Variants in JMJD1C observed in about 807,000 individuals in gnomAD.
JMJD1C encodes the protein jumonji domain-containing protein 1C.
JMJD1C carries 31 observed loss-of-function variants against 245.3 expected under a neutral mutation model. That is an observed-to-expected ratio of 0.13 (90% CI 0.09 to 0.17). JMJD1C has a LOEUF of 0.17. Among genes scored for constraint, JMJD1C ranks in the 10% least tolerant of loss-of-function variants. The pLI, the probability that JMJD1C is intolerant of heterozygous loss-of-function variation, is 1.00. For synonymous variants in JMJD1C, 1,057 were observed against 1,017.4 expected (o/e 1.04, Z -0.74); for missense variants, 2,691 against 3,000.2 (o/e 0.90, Z 2.41).
At chr10:63,521,563 C>A in intron 1 of JMJD1C, 1 of 1,425,312 alleles carries the variant, frequency 7.0e-7, no homozygotes, top group Non-Finnish European at 9.3e-7. Context: ...CCTGGATGAT[C>A]TCCAGAGCCG....
chr10:63,490,605 G>A (rs1009317741), intron 1 of JMJD1C, among the ~76,000 whole-genome samples: 17 of 151,840 alleles, frequency 1.1e-4, no homozygotes, highest in Non-Finnish European at 2.2e-4. Context: ...TAATAGAGAC[G>A]GGGTTTCACC....
At position 63,387,629 on chromosome 10, in the gene JMJD1C, A is replaced by ATTTTTTT. The variant is rs71025169; in HGVS notation, c.169-7154_169-7148dup. The stretch of plus-strand genomic sequence containing the variant: ...AGTCAGAAGAAAAAAGAAAAAAAAA[A>ATTTTTTT]TTTTTTTTTTTTTTTTTTTTTTTTG... On this transcript the variant is annotated intron_variant, in intron 1 of 25. Coordinates refer to ENST00000399262, the MANE Select transcript of JMJD1C (RefSeq NM_032776.3). Among the ~76,000 whole-genome samples the ATTTTTTT allele has an allele frequency of 6.9e-3, 261 of 37,878 alleles. 23 individuals are homozygous for ATTTTTTT. The highest frequency in any genetic ancestry group is 0.019 in the East Asian group (19 of 1,020). 24.8% of individuals were successfully genotyped at this position (37,878 alleles called of 152,430 possible). A position where few individuals can be genotyped will look rare whatever the true frequency, so the allele number is the denominator to read the frequency against.
chr10:63,386,937 T>C (rs1222794960), intron 1 of JMJD1C, among the ~76,000 whole-genome samples: 1 of 152,162 alleles, frequency 6.6e-6, no homozygotes, highest in East Asian at 1.9e-4. Flanking sequence ...CATGATCTTC[T>C]GACTAACACC....
At chr10:63,487,682 T>C (rs1444609751) in intron 1 of JMJD1C, among the ~76,000 whole-genome samples, 1 of 152,186 alleles carries the variant, frequency 6.6e-6, no homozygotes, top group Non-Finnish European at 1.5e-5. Context: ...AGATTTAGTA[T>C]GTGAGAGGCC....
At chr10:63,212,789 A>AAAT (rs1008868304) in intron 8 of JMJD1C, among the ~76,000 whole-genome samples, 4 of 151,782 alleles carry the variant, frequency 2.6e-5, no homozygotes, top group Admixed American at 2.0e-4. Flanking sequence ...TAGAAATTTC[A>AAAT]CTTCTGGGAA....
At chr10:63,258,042 G>A (rs1279602541) in intron 3 of JMJD1C, among the ~76,000 whole-genome samples, 1 of 152,072 alleles carries the variant, frequency 6.6e-6, no homozygotes, top group Non-Finnish European at 1.5e-5. Flanking sequence ...GAAGAGAAAG[G>A]AGTTTCAAAT....
intron 11 of JMJD1C, among the ~76,000 whole-genome samples, chr10:63,200,080 T>C (rs1276896315): frequency 2.6e-5 from 4 of 152,338 alleles, no homozygotes; most frequent in Middle Eastern, 6.8e-3. Context: ...TGTTAATTAG[T>C]CTTTACTGTC....
upstream of JMJD1C, among the ~76,000 whole-genome samples, chr10:63,468,004 A>G (rs1457122150): frequency 6.6e-6 from 1 of 152,212 alleles, no homozygotes; most frequent in East Asian, 1.9e-4. Flanking sequence ...GCCTTATATA[A>G]AACTGCCAGC....
At chr10:63,394,012 C>T (rs1053152569) in intron 1 of JMJD1C, among the ~76,000 whole-genome samples, 2 of 151,966 alleles carry the variant, frequency 1.3e-5, no homozygotes, top group Non-Finnish European at 2.9e-5. Context: ...GGCAAAGCCT[C>T]GTCTCCATTA....
At chr10:63,306,944 C>T (rs1938332924) in intron 2 of JMJD1C, among the ~76,000 whole-genome samples, 1 of 152,118 alleles carries the variant, frequency 6.6e-6, no homozygotes, top group African/African-American at 2.4e-5. Context: ...CTGGAGTTAA[C>T]TTCATTTACT....
At chr10:63,184,319 C>A (rs943065146) in intron 21 of JMJD1C, among the ~76,000 whole-genome samples, 3 of 150,540 alleles carry the variant, frequency 2.0e-5, no homozygotes, top group Non-Finnish European at 4.4e-5. Context: ...CAGCTCACTG[C>A]AACCTCCACG....
intron 1 of JMJD1C, among the ~76,000 whole-genome samples, chr10:63,397,530 C>T (rs1031346081): frequency 1.3e-5 from 2 of 150,462 alleles, no homozygotes; most frequent in Non-Finnish European, 3.0e-5. Flanking sequence ...TTTGATCTGA[C>T]CTTTTTATTT....
At chr10:63,437,730 C>A (rs2132895753) in intron 1 of JMJD1C, among the ~76,000 whole-genome samples, 1 of 152,294 alleles carries the variant, frequency 6.6e-6, no homozygotes, top group East Asian at 1.9e-4. Context: ...GCTTTTGTTC[C>A]CACTATTACA....
intron 1 of JMJD1C, among the ~76,000 whole-genome samples, chr10:63,387,739 C>T (rs1270581721): frequency 7.1e-6 from 1 of 140,716 alleles, no homozygotes; most frequent in South Asian, 2.3e-4. Flanking sequence ...GGGTTCCTGC[C>T]ATTCTCCTGC....
At chr10:63,264,596 TA>T in intron 3 of JMJD1C, 54 bp downstream of exon 3, 1 of 774,484 alleles carries the variant, frequency 1.3e-6, no homozygotes, top group Non-Finnish European at 2.1e-6. Flanking sequence ...AATGTCTGAA[TA>T]TCAATAAAGT....
intron 1 of JMJD1C, among the ~76,000 whole-genome samples, chr10:63,387,989 G>A (rs1290279102): frequency 6.6e-6 from 1 of 151,890 alleles, no homozygotes; most frequent in African/African-American, 2.4e-5. Flanking sequence ...ATCACATATA[G>A]GACATCATAA....
intron 3 of JMJD1C, among the ~76,000 whole-genome samples, chr10:63,259,308 T>C (rs1240438645): frequency 6.6e-6 from 1 of 152,228 alleles, no homozygotes; most frequent in Admixed American, 6.5e-5. Context: ...GGTTAAATTG[T>C]TCACCTTGGC....
At chr10:63,477,553 CA>C (rs34332584) in intron 1 of JMJD1C, among the ~76,000 whole-genome samples, 117,640 of 126,702 alleles carry the variant, frequency 0.93, 54,648 homozygotes, top group South Asian at 0.98. Flanking sequence ...ATCCATATGT[CA>C]AAAAAAAAAA....
At chr10:63,478,525 G>A (rs1235398700) in intron 1 of JMJD1C, among the ~76,000 whole-genome samples, 1 of 152,178 alleles carries the variant, frequency 6.6e-6, no homozygotes, top group Non-Finnish European at 1.5e-5. Flanking sequence ...TCACTAGAGA[G>A]ACTCATAAAA....
Sources: gnomAD v4.1 joint callset for allele counts (sites outside exome capture counted in the v4.1 genomes callset) on GRCh38, gnomAD v4.1.1 for gene constraint, MANE v1.5 for transcripts, NCBI Gene and HGNC (gene_info 2026-07-23, HGNC 2026-07-21) for gene names.